LRRC75A: variants seen among roughly 807,000 people sequenced by gnomAD.
LRRC75A encodes the protein leucine-rich repeat-containing protein 75A.
In LRRC75A, 12 loss-of-function variants were observed where a neutral mutation model predicts 26.0. The ratio of observed to expected loss-of-function variants is 0.46; its 90% CI spans 0.30 to 0.75. LRRC75A has a LOEUF of 0.75. LRRC75A is among the 30% of genes least tolerant of loss of function. The pLI, the probability that LRRC75A is intolerant of heterozygous loss-of-function variation, is 0.08. For missense variants in LRRC75A, 410 were observed against 486.6 expected (o/e 0.84, Z 1.48); for synonymous variants, 223 against 219.3 (o/e 1.02, Z -0.15).
chr17:16,468,773 C>A (rs1243658079), intron 1 of LRRC75A, among the ~76,000 whole-genome samples: 1 of 152,156 alleles, frequency 6.6e-6, no homozygotes, highest in Non-Finnish European at 1.5e-5. Flanking sequence ...CCTGTAATCC[C>A]GGCACTTTGG....
At chr17:16,476,772 TC>T (rs2093820847) in intron 1 of LRRC75A, among the ~76,000 whole-genome samples, 2 of 141,290 alleles carry the variant, frequency 1.4e-5, no homozygotes, top group Admixed American at 1.5e-4. Flanking sequence ...AGAGTCTTGC[TC>T]TATCACCCAG....
intron 1 of LRRC75A, among the ~76,000 whole-genome samples, chr17:16,489,951 T>C (rs2143460648): frequency 7.2e-6 from 1 of 137,956 alleles, no homozygotes; most frequent in East Asian, 2.4e-4. Flanking sequence ...TCTGAGGAAA[T>C]GCTTCTTGTT....
chr17:16,445,316 C>T (rs1412732902), intron 3 of LRRC75A, among the ~76,000 whole-genome samples: 1 of 151,830 alleles, frequency 6.6e-6, no homozygotes, highest in African/African-American at 2.4e-5. Context: ...CAGGTGTGTG[C>T]CCCCACGCCT....
intron 3 of LRRC75A, among the ~76,000 whole-genome samples, chr17:16,445,596 A>G (rs910230136): frequency 6.6e-6 from 1 of 152,172 alleles, no homozygotes; most frequent in East Asian, 1.9e-4. Context: ...CACAGGGTAC[A>G]TTTGTCCTTG....
At chr17:16,468,065 G>C (rs2093782914) in intron 1 of LRRC75A, among the ~76,000 whole-genome samples, 1 of 152,210 alleles carries the variant, frequency 6.6e-6, no homozygotes, top group Non-Finnish European at 1.5e-5. Context: ...AAAATAACAA[G>C]GGTTGGCAAG....
At chr17:16,484,574 C>G (rs1014935031) in intron 1 of LRRC75A, among the ~76,000 whole-genome samples, 1 of 152,076 alleles carries the variant, frequency 6.6e-6, no homozygotes, top group Non-Finnish European at 1.5e-5. Flanking sequence ...CCCCCACCTT[C>G]CCGCTGGCAA....
chr17:16,462,118 C>T lies in LRRC75A; in HGVS notation c.375+140G>A. ...CTAGTGGCACCAAGGGAGAGCACCT[C>T]AAGCTCTTGGTGCCTGGAGGACGGG... On this transcript the variant is annotated intron_variant, in intron 2 of 3. Transcript: ENST00000470794. This position sits in a 1 kb window ranked among gnomAD's most constrained non-coding sequence, Gnocchi z 4.6. The T allele has an allele frequency of 4.5e-6, 5 of 1,107,476 alleles. No homozygotes were observed. Among genetic ancestry groups the T allele is most frequent in the Non-Finnish European group, 6.3e-6 (5 of 787,650 alleles). 68.6% of individuals were successfully genotyped at this position (1,107,476 alleles called of 1,614,324 possible). A position where few individuals can be genotyped will look rare whatever the true frequency, so the allele number is the denominator to read the frequency against.
intron 1 of LRRC75A, among the ~76,000 whole-genome samples, chr17:16,490,484 T>G (rs952861167): frequency 6.6e-6 from 1 of 152,118 alleles, no homozygotes; most frequent in African/African-American, 2.4e-5. Flanking sequence ...CTGGAAGTTG[T>G]TGGGGAAAAC....
chr17:16,483,202 T>C (rs1038657725), intron 1 of LRRC75A, among the ~76,000 whole-genome samples: 5 of 152,152 alleles, frequency 3.3e-5, no homozygotes, highest in Non-Finnish European at 7.4e-5. Context: ...TGCTCTGAGA[T>C]GAATGGTTTG....
In LRRC75A at chr17:16,492,109, T is replaced by G; in HGVS notation, c.-119A>C. On this transcript the variant is annotated 5_prime_UTR_variant, in exon 1 of 4. Coordinates refer to ENST00000470794, the MANE Select transcript of LRRC75A (RefSeq NM_001113567.3). ...CCGGGCTGCAACTTTGGGGGAACTG[T>G]TGCGCGCGGGCGTCGCGGGGGCGGG... is the stretch of plus-strand genomic sequence containing the variant. The G allele has an allele frequency of 1.1e-6, 1 of 910,946 alleles. No homozygotes were observed. The highest frequency in any genetic ancestry group is 1.3e-6 in the Non-Finnish European group (1 of 755,880). 56.4% of individuals were successfully genotyped at this position (910,946 alleles called of 1,614,324 possible). A position where few individuals can be genotyped will look rare whatever the true frequency, so the allele number is the denominator to read the frequency against.
At chr17:16,451,969 G>C (rs995940535) in intron 2 of LRRC75A, among the ~76,000 whole-genome samples, 9 of 151,384 alleles carry the variant, frequency 5.9e-5, no homozygotes, top group Admixed American at 1.3e-4. Flanking sequence ...GGATGGTCTC[G>C]ATCTCCTGAC....
At chr17:16,452,737 C>G (rs35377488) in intron 2 of LRRC75A, among the ~76,000 whole-genome samples, 1 of 151,798 alleles carries the variant, frequency 6.6e-6, no homozygotes, top group African/African-American at 2.4e-5. Context: ...CCTGGCCACA[C>G]GGGGATTTTT....
In LRRC75A at chr17:16,464,017, G is replaced by T. The variant is rs2143188412; in HGVS notation, c.247-1631C>A. On this transcript the variant is annotated intron_variant, in intron 1 of 3. Coordinates refer to ENST00000470794, the MANE Select transcript of LRRC75A (RefSeq NM_001113567.3). ...GGAGGGCCTGGGTGTCATGCCTGGG[G>T]GTGGGAGGAGCCTCTTGTGGGGAGC... is the stretch of plus-strand genomic sequence containing the variant. The T allele has an allele frequency of 1.3e-5, 2 of 152,416 alleles. 1 individual carries two copies. The highest frequency in any genetic ancestry group is 4.1e-4 in the South Asian group (2 of 4,828). The allele number at this position is 152,416 out of a possible 1,614,324, so 9.4% of individuals were successfully genotyped here. A position where few individuals can be genotyped will look rare whatever the true frequency, so the allele number is the denominator to read the frequency against.
chr17:16,467,728 G>A (rs1021938341), intron 1 of LRRC75A, among the ~76,000 whole-genome samples: 32 of 152,292 alleles, frequency 2.1e-4, no homozygotes, highest in South Asian at 6.2e-4. Flanking sequence ...GGCGCCTGTA[G>A]GGCTGTCCTT....
At chr17:16,485,683 T>TTC (rs1270601712) in intron 1 of LRRC75A, among the ~76,000 whole-genome samples, 3 of 148,904 alleles carry the variant, frequency 2.0e-5, no homozygotes, top group African/African-American at 7.6e-5. Flanking sequence ...TGTGTGTGTG[T>TTC]GTGTGTGTGT....
chr17:16,454,167 G>C (rs957759307), intron 2 of LRRC75A, among the ~76,000 whole-genome samples: 104 of 152,276 alleles, frequency 6.8e-4, no homozygotes, highest in African/African-American at 2.4e-3. Flanking sequence ...GAGGTGGGTG[G>C]ATCACCTGAG....
At chr17:16,476,119 C>T (rs1159171968) in intron 1 of LRRC75A, among the ~76,000 whole-genome samples, 4 of 152,126 alleles carry the variant, frequency 2.6e-5, no homozygotes, top group Admixed American at 6.5e-5. Context: ...GGCATGAATC[C>T]GGGAGGCGGA....
At chr17:16,470,788 T>A (rs2093803002) in intron 1 of LRRC75A, among the ~76,000 whole-genome samples, 1 of 152,176 alleles carries the variant, frequency 6.6e-6, no homozygotes, top group Non-Finnish European at 1.5e-5. Context: ...AATGGTCTCA[T>A]AAGAAGAAGG....
At position 16,463,000 on chromosome 17, in the gene LRRC75A, T is replaced by A. The variant is rs1400252065; in HGVS notation, c.247-614A>T. The A allele has an allele frequency of 6.5e-6, 1 of 153,298 alleles. No individual in the cohort carries two copies. The highest frequency in any genetic ancestry group is 1.4e-5 in the Non-Finnish European group (1 of 68,982). 9.5% of individuals were successfully genotyped at this position (153,298 alleles called of 1,614,324 possible). On this transcript the variant is annotated intron_variant, in intron 1 of 3. Coordinates refer to ENST00000470794, the MANE Select transcript of LRRC75A (RefSeq NM_001113567.3). This position sits in a 1 kb window ranked among gnomAD's most constrained non-coding sequence, Gnocchi z 4.6. ...CAGCTTGGAGGCGAGTGCTACTAAG[T>A]GTGGTGGGGCCGCGGCAGAAACCGC...
Sources: gnomAD v4.1 joint callset for allele counts (sites outside exome capture counted in the v4.1 genomes callset) on GRCh38, gnomAD v4.1.1 for gene constraint, Gnocchi (gnomAD v3.1) non-coding constraint, MANE v1.5 for transcripts, NCBI Gene and HGNC (gene_info 2026-07-23, HGNC 2026-07-21) for gene names.